Variants in HTR6 observed in about 807,000 individuals in gnomAD.
The protein encoded by HTR6 is 5-hydroxytryptamine receptor 6.
Under a neutral mutation model 17.4 loss-of-function variants are expected in HTR6, and 15 were observed. That is an observed-to-expected ratio of 0.86 (90% confidence interval 0.58 to 1.33). The LOEUF (loss-of-function observed/expected upper bound fraction) is 1.33, where lower values mean the gene tolerates loss of function less well. Ranked by LOEUF, HTR6 falls within the 40% of genes most tolerant of loss-of-function variation. HTR6 has a pLI of 0.00. For missense variants in HTR6, 578 were observed against 616.0 expected, an observed-to-expected ratio of 0.94 and a Z score of 0.65; for synonymous variants, 326 against 295.5, an observed-to-expected ratio of 1.10 and a Z score of -1.06.
chr1:19,666,492 C>G lies in HTR6; in HGVS notation c.714+25C>G, dbSNP rs147809788. 5.5e-4 allele frequency: 850 copies of G among 1,547,660 alleles called. No individual in the cohort carries two copies. The highest frequency in any genetic ancestry group is 7.2e-4 in the Non-Finnish European group (823 of 1,140,716). On this transcript the variant is annotated intron_variant, in intron 1 of 2. Transcript: ENST00000289753. The surrounding 1 kb of genome is among the most constrained non-coding windows in gnomAD (Gnocchi z 4.5). Reference sequence around the variant, plus strand: ...GGTACCTGGGGTGCGCAGGGAGACCCGGGCTGTGGGATAGAGAGGAATGAG... The same window carrying G: ...GGTACCTGGGGTGCGCAGGGAGACCGGGGCTGTGGGATAGAGAGGAATGAG...
At chr1:19,673,860 C>CTT (rs549470101) in intron 1 of HTR6, among the ~76,000 whole-genome samples, 14 of 128,326 alleles carry the variant, frequency 1.1e-4, no homozygotes, top group African/African-American at 2.1e-4. Context: ...CCTTCTAGGT[C>CTT]TTTTTTTTTT....
rs2100465950 is a variant in HTR6, at chr1:19,665,467, G to C, written c.-287G>C. 8.3e-6 allele frequency: 3 copies of C among 360,542 alleles called. No individual in the cohort carries two copies. The highest frequency in any genetic ancestry group is 1.5e-5 in the Non-Finnish European group (3 of 203,798). 22.3% of individuals were successfully genotyped at this position (360,542 alleles called of 1,614,324 possible). On this transcript the variant is annotated 5_prime_UTR_variant, in exon 1 of 3. Transcript: ENST00000289753. The surrounding 1 kb of genome is among the most constrained non-coding windows in gnomAD (Gnocchi z 4.2). Reference sequence around the variant, plus strand: ...TCCCGCCGCTTCCTTCAGGGGCCTCGGCTCATCGGGTGCCCCTCCCCAAAC... The same window carrying C: ...TCCCGCCGCTTCCTTCAGGGGCCTCCGCTCATCGGGTGCCCCTCCCCAAAC...
rs2095101538 is a variant in HTR6 at position 19,680,864 on chromosome 1, C to T, written c.*1496C>T. Reference sequence around the variant, plus strand: ...TCCTTGGTGCTGATGAGACACAACTCTGGCCCCGGCGGCTGGCCTCTGAGG... The same window carrying T: ...TCCTTGGTGCTGATGAGACACAACTTTGGCCCCGGCGGCTGGCCTCTGAGG... On this transcript the variant is annotated 3_prime_UTR_variant, in exon 3 of 3. Coordinates refer to ENST00000289753, the MANE Select transcript of HTR6 (RefSeq NM_000871.3). Among the ~76,000 whole-genome samples the T allele has an allele frequency of 1.1e-4, 17 of 152,220 alleles. 2 individuals are homozygous for T. The highest frequency in any genetic ancestry group is 1.1e-3 in the Admixed American group (17 of 15,286).
chr1:19,675,354 A>C (rs1482078272), intron 1 of HTR6, among the ~76,000 whole-genome samples: 1 of 152,046 alleles, frequency 6.6e-6, no homozygotes, highest in Non-Finnish European at 1.5e-5. Flanking sequence ...GATAATGCTG[A>C]TTTGTTCAGG....
chr1:19,674,235 T>C (rs984519492), intron 1 of HTR6, among the ~76,000 whole-genome samples: 3 of 152,158 alleles, frequency 2.0e-5, no homozygotes, highest in African/African-American at 7.2e-5. Flanking sequence ...TGCTTTGTGT[T>C]GGATATTGTT....
Position 19,666,867 on chromosome 1 carries a change from C to A in HTR6, c.714+400C>A, listed in dbSNP as rs2095082287. ...GCGCTGCTCTAAACAGGTGCCATCT[C>A]CCCTGCCACTTCCTACCGGGGAGGC... On this transcript the variant is annotated intron_variant, in intron 1 of 2. Coordinates refer to ENST00000289753, the MANE Select transcript of HTR6 (RefSeq NM_000871.3). This position sits in a 1 kb window ranked among gnomAD's most constrained non-coding sequence, Gnocchi z 4.5. 6.6e-6 allele frequency among the ~76,000 whole-genome samples: 1 copy of A among 152,132 alleles called. No individual in the cohort carries two copies.
At chr1:19,677,387 C>T (rs912926228) in intron 1 of HTR6, among the ~76,000 whole-genome samples, 20 of 152,292 alleles carry the variant, frequency 1.3e-4, no homozygotes, top group African/African-American at 4.8e-4. Context: ...GGGCCCATGC[C>T]TTCCTTTCAG....
rs769420968 is a variant in HTR6, at chr1:19,678,692, C to T, written c.840C>T (p.Thr280=). ...LGILLGMFFV[T]WLPFFVANIV... ...TCCTGCTGGGCATGTTCTTTGTGAC[C>T]TGGTTGCCCTTCTTTGTGGCCAACA... Residue 280 remains threonine (T), a synonymous_variant, in exon 2 of 3, where the codon ACC becomes ACT. Coordinates refer to ENST00000289753, the MANE Select transcript of HTR6 (RefSeq NM_000871.3). 5 of 1,612,682 alleles carry T rather than the reference C, an allele frequency of 3.1e-6. No individual in the cohort carries two copies. The highest frequency in any genetic ancestry group is 4.2e-6 in the Non-Finnish European group (5 of 1,178,886).
rs199974894 is a variant in HTR6, at chr1:19,666,275, A to G, written c.522A>G (p.Pro174=). The stretch of plus-strand genomic sequence containing the variant: ...GGCACGAGCTGGGCCACGCACGGCC[A>G]CCCGTCCCTGGCCAGTGCCGCCTGC... ...LGWHELGHAR[P]PVPGQCRLLA... The change falls in exon 1 of 3, where the codon CCA becomes CCG. Residue 174 remains proline (P), a synonymous_variant. Transcript: ENST00000289753. The surrounding 1 kb of genome is among the most constrained non-coding windows in gnomAD (Gnocchi z 4.5). 6.2e-7 allele frequency: 1 copy of G among 1,610,766 alleles called. No homozygotes were observed. The highest frequency in any genetic ancestry group is 8.5e-7 in the Non-Finnish European group (1 of 1,179,710).
In HTR6 at chr1:19,665,821, C is replaced by CG. The variant is rs774091625; in HGVS notation, c.74dup (p.Ser26GlnfsTer47). Reference sequence around the variant, plus strand: ...TGGGGGGCAGGGCCGCCGTCGGCCCCGGGGGGCAGCGGCTGGGTGGCGGCC... The same window carrying CG: ...TGGGGGGCAGGGCCGCCGTCGGCCCCGGGGGGGCAGCGGCTGGGTGGCGGCC... On this transcript the variant is annotated frameshift_variant, in exon 1 of 3. Transcript: ENST00000289753. LOFTEE classifies it high-confidence loss of function. The surrounding 1 kb of genome is among the most constrained non-coding windows in gnomAD (Gnocchi z 4.2). 7 of 1,558,886 alleles carry CG rather than the reference C, an allele frequency of 4.5e-6. No homozygotes were observed. Among genetic ancestry groups the CG allele is most frequent in the Admixed American group, 1.9e-5 (1 of 52,580 alleles).
rs1223784742 is a variant in HTR6, at chr1:19,666,476, G to A, written c.714+9G>A. 6 of 1,589,378 alleles carry A rather than the reference G, an allele frequency of 3.8e-6. No homozygotes were observed. The highest frequency in any genetic ancestry group is 4.5e-5 in the East Asian group (2 of 44,412). On this transcript the variant is annotated intron_variant, in intron 1 of 2. Transcript: ENST00000289753. The surrounding 1 kb of genome is among the most constrained non-coding windows in gnomAD (Gnocchi z 4.5). ...CCTCGGAGACGCTGCAGGTACCTGGGGTGCGCAGGGAGACCCGGGCTGTGG... is the reference window on the plus strand; with the variant it reads ...CCTCGGAGACGCTGCAGGTACCTGGAGTGCGCAGGGAGACCCGGGCTGTGG...
At position 19,678,575 on chromosome 1, in the gene HTR6, G is replaced by A. The variant is rs2095097140; in HGVS notation, c.723G>A (p.Arg241=). ...GGCCTTCCTTTCCGCAGGTGCCCAGGACCCCACGCCCAGGGGTGGAGTCTG... is the reference window on the plus strand; with the variant it reads ...GGCCTTCCTTTCCGCAGGTGCCCAGAACCCCACGCCCAGGGGTGGAGTCTG... The part of the protein sequence containing the change: ...SQASETLQVP[R]TPRPGVESAD... The change falls in exon 2 of 3, where the codon AGG becomes AGA. Residue 241 remains arginine (R), a synonymous_variant. Coordinates refer to ENST00000289753, the MANE Select transcript of HTR6 (RefSeq NM_000871.3). 1.9e-6 allele frequency: 3 copies of A among 1,612,444 alleles called. No individual in the cohort carries two copies. The highest frequency in any genetic ancestry group is 1.3e-5 in the African/African-American group (1 of 75,004).
intron 1 of HTR6, among the ~76,000 whole-genome samples, chr1:19,671,910 G>C (rs2095088731): frequency 6.6e-6 from 1 of 152,164 alleles, no homozygotes; most frequent in South Asian, 2.1e-4. Context: ...TAGCACTGTG[G>C]CTGGGAGTGT....
At chr1:19,668,424 C>T (rs1327311753) in intron 1 of HTR6, among the ~76,000 whole-genome samples, 1 of 152,094 alleles carries the variant, frequency 6.6e-6, no homozygotes, top group Non-Finnish European at 1.5e-5. Flanking sequence ...TGGGCTCAAG[C>T]GATCCTCCTG....
chr1:19,665,987 G>A lies in HTR6; in HGVS notation c.234G>A (p.Val78=). 2 of 1,613,954 alleles carry A rather than the reference G, an allele frequency of 1.2e-6. No individual in the cohort carries two copies. The highest frequency in any genetic ancestry group is 1.7e-6 in the Non-Finnish European group (2 of 1,179,912). Residue 78 remains valine (V), a synonymous_variant, in exon 1 of 3, where the codon GTG becomes GTA. Coordinates refer to ENST00000289753, the MANE Select transcript of HTR6 (RefSeq NM_000871.3). This position sits in a 1 kb window ranked among gnomAD's most constrained non-coding sequence, Gnocchi z 4.2. ...CGTCTGACCTGATGGTGGGGCTGGTGGTGATGCCGCCGGCCATGCTGAACG... is the reference window on the plus strand; with the variant it reads ...CGTCTGACCTGATGGTGGGGCTGGTAGTGATGCCGCCGGCCATGCTGAACG... ...LFTSDLMVGL[V]VMPPAMLNAL...
At chr1:19,670,225 C>G (rs2095086488) in intron 1 of HTR6, among the ~76,000 whole-genome samples, 1 of 151,766 alleles carries the variant, frequency 6.6e-6, no homozygotes, top group Non-Finnish European at 1.5e-5. Flanking sequence ...CCACCCTGTT[C>G]TCCCACTAAT....
rs1570580271 is a variant in HTR6 at position 19,665,414 on chromosome 1, A to G, written c.-340A>G. On this transcript the variant is annotated 5_prime_UTR_variant, in exon 1 of 3. Coordinates refer to ENST00000289753, the MANE Select transcript of HTR6 (RefSeq NM_000871.3). The surrounding 1 kb of genome is among the most constrained non-coding windows in gnomAD (Gnocchi z 4.2). Reference sequence around the variant, plus strand: ...CTCCAGGGGGCTCTGCTCCCACCCCAGGGAGCCCATCCGACCTCTGCTTGA... The same window carrying G: ...CTCCAGGGGGCTCTGCTCCCACCCCGGGGAGCCCATCCGACCTCTGCTTGA... 4.6e-6 allele frequency: 1 copy of G among 217,472 alleles called. No individual in the cohort carries two copies. 13.5% of individuals were successfully genotyped at this position (217,472 alleles called of 1,614,324 possible).
intron 1 of HTR6, among the ~76,000 whole-genome samples, chr1:19,677,852 G>A (rs1313048055): frequency 6.6e-6 from 1 of 152,202 alleles, no homozygotes; most frequent in African/African-American, 2.4e-5. Flanking sequence ...CAATTCTCCT[G>A]CCTCAGTCTC....
At chr1:19,671,032 T>C (rs972446010) in intron 1 of HTR6, among the ~76,000 whole-genome samples, 2 of 152,166 alleles carry the variant, frequency 1.3e-5, no homozygotes, top group Non-Finnish European at 2.9e-5. Context: ...AGGCTGTGTA[T>C]GTAGTGGTGA....
Sources: allele counts gnomAD v4.1 joint callset (sites outside exome capture counted in the v4.1 genomes callset), GRCh38; gene constraint gnomAD v4.1.1; non-coding constraint Gnocchi (gnomAD v3.1); transcripts MANE v1.5; gene names NCBI Gene and HGNC (gene_info 2026-07-23, HGNC 2026-07-21).